PTPN12: variants seen among roughly 807,000 people sequenced by gnomAD.
The protein encoded by PTPN12 is tyrosine-protein phosphatase non-receptor type 12.
Under a neutral mutation model 97.6 loss-of-function variants are expected in PTPN12, and 29 were observed. The ratio of observed to expected loss-of-function variants is 0.30; its 90% CI spans 0.22 to 0.41. The LOEUF is 0.41. Ranked by LOEUF, PTPN12 falls within the 10% of genes least tolerant of loss-of-function variation. The pLI is 1.00. For missense variants in PTPN12, 819 were observed against 926.0 expected, an observed-to-expected ratio of 0.88 and a Z score of 1.50; for synonymous variants, 327 against 300.4, an observed-to-expected ratio of 1.09 and a Z score of -0.91.
At chr7:77,618,651 A>G (rs1442593945) in intron 12 of PTPN12, 86 bp downstream of exon 12, 1 of 912,682 alleles carries the variant, frequency 1.1e-6, no homozygotes, top group Non-Finnish European at 1.7e-6. Flanking sequence ...GAATATTTCT[A>G]AATTACTTTT....
chr7:77,590,193 A>T (rs1787820531), intron 5 of PTPN12, among the ~76,000 whole-genome samples: 1 of 152,224 alleles, frequency 6.6e-6, no homozygotes, highest in Middle Eastern at 3.2e-3. Context: ...TGTATGTATG[A>T]TATTTAACAC....
intron 4 of PTPN12, 108 bp from the exon 5 acceptor site, chr7:77,585,435 C>A: frequency 1.1e-6 from 1 of 879,628 alleles, no homozygotes; most frequent in Non-Finnish European, 1.8e-6. Context: ...TTTAGGCAAG[C>A]CAATTATACT....
intron 12 of PTPN12, among the ~76,000 whole-genome samples, chr7:77,625,478 T>TG (rs1789118325): frequency 3.2e-5 from 1 of 31,218 alleles, no homozygotes; most frequent in African/African-American, 1.8e-4. Context: ...GCTCGCTCTC[T>TG]CTCTCTCTCT....
At chr7:77,554,966 G>T (rs1192784515) in intron 1 of PTPN12, among the ~76,000 whole-genome samples, 1 of 152,142 alleles carries the variant, frequency 6.6e-6, no homozygotes, top group Non-Finnish European at 1.5e-5. Flanking sequence ...AGGACTACAG[G>T]CATGAACCAC....
chr7:77,599,050 ATATT>A (rs1214164333), intron 7 of PTPN12, among the ~76,000 whole-genome samples: 1 of 151,410 alleles, frequency 6.6e-6, no homozygotes, highest in Non-Finnish European at 1.5e-5. Flanking sequence ...TGAGAGTGTA[ATATT>A]TAGTCTTGAC....
intron 1 of PTPN12, among the ~76,000 whole-genome samples, chr7:77,556,952 T>TTTTG (rs144508899): frequency 2.7e-5 from 4 of 150,320 alleles, no homozygotes; most frequent in Admixed American, 1.3e-4. Flanking sequence ...CACCAGGAGT[T>TTTTG]TTTGTTTGTT....
intron 1 of PTPN12, 68 bp from the exon 2 acceptor site, chr7:77,571,010 G>C: frequency 9.5e-7 from 1 of 1,051,826 alleles, no homozygotes; most frequent in Non-Finnish European, 1.3e-6. Flanking sequence ...GGGGTCACCA[G>C]ATTTCATTAA....
At chr7:77,570,978 G>C in intron 1 of PTPN12, 100 bp from the exon 2 acceptor site, 1 of 683,162 alleles carries the variant, frequency 1.5e-6, no homozygotes, top group East Asian at 3.2e-5. Context: ...CTAAGAGACA[G>C]GAAAATGAGT....
intron 12 of PTPN12, among the ~76,000 whole-genome samples, chr7:77,622,911 A>C (rs1788993146): frequency 6.6e-6 from 1 of 151,950 alleles, no homozygotes; most frequent in Non-Finnish European, 1.5e-5. Flanking sequence ...TGGATAAAGA[A>C]AAAGTAGGAG....
At chr7:77,554,153 A>G (rs139877252) in intron 1 of PTPN12, among the ~76,000 whole-genome samples, 22 of 152,220 alleles carry the variant, frequency 1.4e-4, no homozygotes, top group Non-Finnish European at 2.4e-4. Flanking sequence ...TTTTTTGTAG[A>G]GAGAAGGTCT....
At chr7:77,552,972 G>T (rs564265989) in intron 1 of PTPN12, among the ~76,000 whole-genome samples, 2 of 152,184 alleles carry the variant, frequency 1.3e-5, no homozygotes, top group Admixed American at 1.3e-4. Context: ...AAATAAATAG[G>T]AGGGGAAAAA....
At chr7:77,555,900 G>A (rs1335430338) in intron 1 of PTPN12, among the ~76,000 whole-genome samples, 2 of 151,830 alleles carry the variant, frequency 1.3e-5, no homozygotes, top group Non-Finnish European at 2.9e-5. Context: ...GGGCGACAGG[G>A]CGAGACTCCG....
chr7:77,637,094 GATTA>G, intron 16 of PTPN12, 46 bp downstream of exon 16: 7 of 1,422,102 alleles, frequency 4.9e-6, no homozygotes, highest in Non-Finnish European at 6.9e-6. Flanking sequence ...AGATTTTATT[GATTA>G]ATTTCTACAA....
chr7:77,552,246 A>G (rs1562706670), intron 1 of PTPN12, among the ~76,000 whole-genome samples: 1 of 152,086 alleles, frequency 6.6e-6, no homozygotes, highest in Non-Finnish European at 1.5e-5. Context: ...CCTCCTAAGT[A>G]GATAGGACTA....
chr7:77,538,904 T>TG, intron 1 of PTPN12: 1 of 152,182 alleles, frequency 6.6e-6, no homozygotes, highest in Middle Eastern at 3.4e-3. Context: ...TCCTTAGTCT[T>TG]GGCGGGGGTT....
intron 11 of PTPN12, among the ~76,000 whole-genome samples, chr7:77,614,377 T>G (rs1462645298): frequency 6.6e-6 from 1 of 152,200 alleles, no homozygotes; most frequent in Non-Finnish European, 1.5e-5. Flanking sequence ...CATAGGCTCT[T>G]TCTGTCTAAT....
At position 77,573,089 on chromosome 7, in the gene PTPN12, A is replaced by C. The variant is rs917398927; in HGVS notation, c.208+1903A>C. The stretch of plus-strand genomic sequence containing the variant: ...CAGAGTAAGACTCTATCTCAAAAAA[A>C]AAAAAAACAAAAAAACAAAAAAAAC... On this transcript the variant is annotated intron_variant, in intron 2 of 17. Transcript: ENST00000248594. Among the ~76,000 whole-genome samples, 13 of 117,530 alleles carry C rather than the reference A, an allele frequency of 1.1e-4. 2 individuals carry two copies. The highest frequency in any genetic ancestry group is 1.0e-3 in the East Asian group (2 of 1,918). The allele number at this position is 117,530 out of a possible 152,430, so 77.1% of individuals were successfully genotyped here. A position where few individuals can be genotyped will look rare whatever the true frequency, so the allele number is the denominator to read the frequency against.
intron 2 of PTPN12, among the ~76,000 whole-genome samples, chr7:77,573,047 C>T (rs908299578): frequency 1.6e-5 from 2 of 124,850 alleles, no homozygotes; most frequent in African/African-American, 6.2e-5. Context: ...TGCGCCATTG[C>T]ATTCCAGCCT....
At chr7:77,591,767 A>G (rs759459673) in intron 5 of PTPN12, among the ~76,000 whole-genome samples, 4 of 152,224 alleles carry the variant, frequency 2.6e-5, no homozygotes, top group Non-Finnish European at 4.4e-5. Context: ...ACTTCATCAC[A>G]TATTTTACAT....
Sources: allele counts gnomAD v4.1 joint callset (sites outside exome capture counted in the v4.1 genomes callset), GRCh38; gene constraint gnomAD v4.1.1; transcripts MANE v1.5; gene names NCBI Gene and HGNC (gene_info 2026-07-23, HGNC 2026-07-21).